CLN3: variants seen among roughly 807,000 people sequenced by gnomAD.
The protein encoded by CLN3 is CLN3 lysosomal/endosomal transmembrane protein, battenin.
A neutral mutation model predicts 60.7 loss-of-function variants in CLN3; 49 were observed. The ratio of observed to expected loss-of-function variants is 0.81; its 90% CI spans 0.64 to 1.02. The LOEUF (loss-of-function observed/expected upper bound fraction) is 1.02, where lower values mean the gene tolerates loss of function less well. Among genes scored for constraint, CLN3 ranks in the 50% least tolerant of loss-of-function variants. The pLI, the probability that CLN3 is intolerant of heterozygous loss-of-function variation, is 0.00. For missense variants in CLN3, 516 were observed against 557.4 expected (o/e 0.93, Z 0.75); for synonymous variants, 256 against 245.8 (o/e 1.04, Z -0.39).
In CLN3 at chr16:28,488,728, C is replaced by T. The variant is rs146065841; in HGVS notation, c.223-66G>A. On this transcript the variant is annotated intron_variant, in intron 4 of 15. Transcript: ENST00000636147. ...GGATAGACACACAGAGCCTGGCTCC[C>T]GTCCCAGCTCTGCCTTCACTTGAAG... 499 of 1,480,606 alleles carry T rather than the reference C, an allele frequency of 3.4e-4. No individual in the cohort carries two copies. The African/African-American group carries it at 5.8e-3, about 17-fold the overall frequency. 91.7% of individuals were successfully genotyped at this position (1,480,606 alleles called of 1,614,324 possible).
intron 3 of CLN3, chr16:28,490,459 T>G (rs1413782800): frequency 1.3e-5 from 1 of 77,454 alleles, no homozygotes; most frequent in Admixed American, 1.5e-4. Context: ...TAAAATAAAA[T>G]TAAAAAAAAA....
intron 14 of CLN3, among the ~76,000 whole-genome samples, chr16:28,481,197 A>C (rs2141700367): frequency 6.6e-6 from 1 of 151,980 alleles, no homozygotes; most frequent in South Asian, 2.1e-4. Flanking sequence ...TGCAGCCTTG[A>C]CCTCATGGGT....
intron 8 of CLN3, 29 bp from the exon 9 acceptor site, chr16:28,486,519 G>A (rs1486489404): frequency 3.7e-6 from 6 of 1,609,566 alleles, no homozygotes; most frequent in Middle Eastern, 1.7e-4. Context: ...GAACATTCAG[G>A]AGGACCTAGG....
chr16:28,477,949 G>A (rs893894994), intron 14 of CLN3, 72 bp from the exon 15 acceptor site: 26 of 1,569,602 alleles, frequency 1.7e-5, no homozygotes, highest in Admixed American at 9.3e-5. Flanking sequence ...TCCCCTCCAG[G>A]GGTCCCTGGT....
downstream of CLN3, among the ~76,000 whole-genome samples, chr16:28,470,022 T>A (rs1297804316): frequency 6.9e-6 from 1 of 145,640 alleles, no homozygotes; most frequent in Non-Finnish European, 1.5e-5. Context: ...TCAAATGACA[T>A]TTCACTTTGT....
At chr16:28,482,013 C>T (rs1015073079) in intron 14 of CLN3, 92 bp downstream of exon 14, 1 of 889,964 alleles carries the variant, frequency 1.1e-6, no homozygotes, top group Non-Finnish European at 1.8e-6. Context: ...ATTTACACTT[C>T]CCACTGATAG....
In CLN3 at chr16:28,491,792, G is replaced by T. The variant is rs368494637; in HGVS notation, c.-33C>A. On this transcript the variant is annotated 5_prime_UTR_variant, in exon 2 of 16. Coordinates refer to ENST00000636147, the MANE Select transcript of CLN3 (RefSeq NM_001042432.2). ...AGTTCAGGTCCCCCGAGGGTCCAGG[G>T]TCATAGAGTGTCCAAAGGGGGCTCC... 108 of 1,611,642 alleles carry T rather than the reference G, an allele frequency of 6.7e-5. No individual in the cohort carries two copies. The highest frequency in any genetic ancestry group is 8.9e-5 in the Non-Finnish European group (105 of 1,179,714).
At chr16:28,486,876 C>T in intron 7 of CLN3, 2 of 614,844 alleles carry the variant, frequency 3.3e-6, no homozygotes, top group South Asian at 1.8e-5. Flanking sequence ...GGCAGACATG[C>T]ACCCTTGATG....
intron 14 of CLN3, among the ~76,000 whole-genome samples, chr16:28,481,458 A>ACACGCG (rs1555468021): frequency 4.6e-5 from 6 of 129,052 alleles, no homozygotes; most frequent in African/African-American, 8.3e-5. Flanking sequence ...ACACACGCAC[A>ACACGCG]CACACACACA....
rs145749864 is a variant in CLN3, at chr16:28,487,678, G to A, written c.358C>T (p.His120Tyr). The change falls in exon 6 of 16, where the codon CAC (histidine) becomes TAC (tyrosine). Residue 120 changes from histidine to tyrosine, a missense_variant. Physicochemically the swap from His to Tyr is moderately conservative, Grantham distance 83. Transcript: ENST00000636147. ...CACCCAGACCTGTAGGGCAGCAGGT[G>A]AAGGCCAAGAGGAGCCAACAATTTG... Reference protein sequence around the residue: ...VIKLLAPLGLHLLPYSPRVLV... With the variant: ...VIKLLAPLGLYLLPYSPRVLV... 1 of 1,613,888 alleles carries A rather than the reference G, an allele frequency of 6.2e-7. No individual in the cohort carries two copies. Among genetic ancestry groups the A allele is most frequent in the African/African-American group, 1.3e-5 (1 of 75,044 alleles).
intron 13 of CLN3, 22 bp downstream of exon 13, chr16:28,482,305 C>T (rs2046111823): frequency 1.2e-6 from 2 of 1,612,624 alleles, no homozygotes; most frequent in South Asian, 1.1e-5. Flanking sequence ...CCCTCCCAGC[C>T]CACTGCCCTC....
chr16:28,474,623 G>T (rs1036672447), downstream of CLN3, among the ~76,000 whole-genome samples: 1 of 152,130 alleles, frequency 6.6e-6, no homozygotes, highest in African/African-American at 2.4e-5. Context: ...GGAAACAGTC[G>T]GGTAGTTCCT....
Position 28,482,395 on chromosome 16 carries a change from C to A in CLN3, c.907-13G>T, listed in dbSNP as rs1216584262. ...AGAGGAGTTCAAACTGCAACAAATACCAGACAGGGGAGATGGACGGGGCTG... is the reference window on the plus strand; with the variant it reads ...AGAGGAGTTCAAACTGCAACAAATAACAGACAGGGGAGATGGACGGGGCTG... On this transcript the variant is annotated splice_polypyrimidine_tract_variant and intron_variant, in intron 12 of 15. Transcript: ENST00000636147. 1 of 1,613,940 alleles carries A rather than the reference C, an allele frequency of 6.2e-7. No individual in the cohort carries two copies. The highest frequency in any genetic ancestry group is 8.5e-7 in the Non-Finnish European group (1 of 1,180,020).
chr16:28,482,548 G>A lies in CLN3; in HGVS notation c.838-3C>T. Reference sequence around the variant, plus strand: ...GGAACAATGTACCACAGCAGACCCTGGAAAAGGCAGAAGATATAAGCGGGG... The same window carrying A: ...GGAACAATGTACCACAGCAGACCCTAGAAAAGGCAGAAGATATAAGCGGGG... On this transcript the variant is annotated splice_polypyrimidine_tract_variant and splice_region_variant and intron_variant, in intron 11 of 15. Coordinates refer to ENST00000636147, the MANE Select transcript of CLN3 (RefSeq NM_001042432.2). 6 of 1,614,152 alleles carry A rather than the reference G, an allele frequency of 3.7e-6. No homozygotes were observed. Among genetic ancestry groups the A allele is most frequent in the Non-Finnish European group, 5.1e-6 (6 of 1,180,032 alleles).
At chr16:28,483,885 G>A (rs2064416277) in intron 10 of CLN3, 121 bp downstream of exon 10, 1 of 733,922 alleles carries the variant, frequency 1.4e-6, no homozygotes, top group African/African-American at 1.8e-5. Flanking sequence ...AATAGACAAA[G>A]GCTTTTCCCA....
intron 1 of CLN3, 30 bp from the exon 2 acceptor site, chr16:28,491,865 A>C: frequency 2.1e-6 from 3 of 1,418,490 alleles, no homozygotes; most frequent in Non-Finnish European, 2.9e-6. Flanking sequence ...TCAACGCCCG[A>C]TTGCCGGTCC....
chr16:28,468,685 C>T, the CLN3 span, among the ~76,000 whole-genome samples: 36 of 141,382 alleles, frequency 2.5e-4, no homozygotes, highest in African/African-American at 7.2e-4. Context: ...CACGTGCCTA[C>T]AGTTCCAGCT....
At position 28,477,563 on chromosome 16, in the gene CLN3, C is replaced by A. The variant is rs1298736633; in HGVS notation, c.1270G>T (p.Gly424Trp). Residue 424 changes from glycine (G) to tryptophan (W), a missense_variant, in exon 16 of 16, where the codon GGG (glycine) becomes TGG (tryptophan). Gly to Trp is a radical substitution (Grantham distance 184, BLOSUM62 -2). Transcript: ENST00000636147. ...TCATGCAGAGGCAAAGCCAGGAGCCCCGACAGGGAGATCCCCAGTGTGTCA... is the reference window on the plus strand; with the variant it reads ...TCATGCAGAGGCAAAGCCAGGAGCCACGACAGGGAGATCCCCAGTGTGTCA... ...ISDTLGISLS[G>W]LLALPLHDFL... The A allele has an allele frequency of 1.9e-6, 3 of 1,614,030 alleles. No individual in the cohort carries two copies. Among genetic ancestry groups the A allele is most frequent in the Non-Finnish European group, 2.5e-6 (3 of 1,180,038 alleles).
At chr16:28,485,684 TAAAAAA>T (rs758152793) in intron 9 of CLN3, among the ~76,000 whole-genome samples, 4 of 84,564 alleles carry the variant, frequency 4.7e-5, no homozygotes, top group African/African-American at 9.9e-5. Context: ...CAACACTGAT[TAAAAAA>T]AAAAAAAAAA....
Sources: gnomAD v4.1 joint callset for allele counts (sites outside exome capture counted in the v4.1 genomes callset) on GRCh38, gnomAD v4.1.1 for gene constraint, MANE v1.5 for transcripts, NCBI Gene and HGNC (gene_info 2026-07-23, HGNC 2026-07-21) for gene names.